TRAPPC11: variants seen among roughly 807,000 people sequenced by gnomAD.
TRAPPC11 encodes foie gras homolog.
Under a neutral mutation model 151.2 loss-of-function variants are expected in TRAPPC11, and 104 were observed. The ratio of observed to expected loss-of-function variants is 0.69; its 90% CI spans 0.59 to 0.81. The LOEUF is 0.81. Among genes scored for constraint, TRAPPC11 ranks in the 30% least tolerant of loss-of-function variants. The pLI is 0.00. For missense variants in TRAPPC11, 1,230 were observed against 1,349.6 expected, an observed-to-expected ratio of 0.91 and a Z score of 1.39; for synonymous variants, 456 against 472.3, an observed-to-expected ratio of 0.97 and a Z score of 0.45.
In TRAPPC11 at chr4:183,693,106, T is replaced by C. The variant is rs375844076; in HGVS notation, c.2196T>C (p.Asn732=). 216 of 1,611,918 alleles carry C rather than the reference T, an allele frequency of 1.3e-4. 3 individuals are homozygous for C. Among genetic ancestry groups the C allele is most frequent in the Non-Finnish European group, 2.3e-5 (27 of 1,178,714 alleles). ...AAAGGCGACCTAAGCTACCTGACAA[T>C]GAAGTTCACTGGGACAGCATTATAA... ...SFKRRPKLPD[N]EVHWDSIIIQ... Residue 732 remains asparagine, a synonymous_variant, in exon 20 of 30, where the codon AAT becomes AAC. Transcript: ENST00000334690.
At position 183,677,471 on chromosome 4, in the gene TRAPPC11, G is replaced by A. The variant is rs368397954; in HGVS notation, c.748G>A (p.Ala250Thr). Residue 250 changes from alanine (A) to threonine (T), a missense_variant, in exon 8 of 30, where the codon GCC becomes ACC. By Grantham distance (58) the Ala-to-Thr change is moderately conservative. Transcript: ENST00000334690. ...TQNALKNYRT[A>T]YNLVHELRAH... is the part of the protein sequence containing the mutation. ...CTCCTCATTTAGGAATTATAGGACC[G>A]CCTATAATCTTGTACACGAATTGAG... 1.4e-5 allele frequency: 23 copies of A among 1,596,130 alleles called. No individual in the cohort carries two copies. Among genetic ancestry groups the A allele is most frequent in the Middle Eastern group, 1.7e-4 (1 of 6,040 alleles).
At chr4:183,662,354 CAAA>C (rs202105209) in intron 1 of TRAPPC11, among the ~76,000 whole-genome samples, 20,872 of 110,112 alleles carry the variant, frequency 0.19, 1,521 homozygotes, top group Admixed American at 0.24. Flanking sequence ...TACTCCGTCT[CAAA>C]AAAAAAAAAA....
Position 183,686,765 on chromosome 4 carries a change from A to T in TRAPPC11, c.1893+17A>T, listed in dbSNP as rs1415115608. 6.2e-7 allele frequency: 1 copy of T among 1,612,938 alleles called. No homozygotes were observed. The highest frequency in any genetic ancestry group is 1.1e-5 in the South Asian group (1 of 90,944). ...AATAATCAGGTAATGATGCCATGTC[A>T]TGTGTTTTTACCACGTTTATCTTAT... On this transcript the variant is annotated intron_variant, in intron 18 of 29. Coordinates refer to ENST00000334690, the MANE Select transcript of TRAPPC11 (RefSeq NM_021942.6).
Position 183,684,330 on chromosome 4 carries a change from T to C in TRAPPC11, c.1392T>C (p.Tyr464=), listed in dbSNP as rs1298983441. 12 of 1,613,820 alleles carry C rather than the reference T, an allele frequency of 7.4e-6. No homozygotes were observed. Among genetic ancestry groups the C allele is most frequent in the Non-Finnish European group, 1.0e-5 (12 of 1,179,726 alleles). Residue 464 remains tyrosine, a synonymous_variant, in exon 14 of 30, where the codon TAT becomes TAC. Coordinates refer to ENST00000334690, the MANE Select transcript of TRAPPC11 (RefSeq NM_021942.6). The part of the protein sequence containing the change: ...HLMVQMGEEY[Y]YAKDYTKALK... The stretch of plus-strand genomic sequence containing the variant: ...TGGTTCAGATGGGAGAGGAATATTA[T>C]TACGCAAAGGATTATACCAAAGCTT...
rs371163271 is a variant in TRAPPC11 at position 183,697,672 on chromosome 4, G to T, written c.2695-7G>T. The T allele has an allele frequency of 2.9e-4, 474 of 1,613,354 alleles. No individual in the cohort carries two copies. The highest frequency in any genetic ancestry group is 3.8e-4 in the Non-Finnish European group (445 of 1,179,792). On this transcript the variant is annotated splice_polypyrimidine_tract_variant and splice_region_variant and intron_variant, in intron 24 of 29. Transcript: ENST00000334690. ...CCTGACAGACCTTTTATCTTCATTT[G>T]TGACAGTTTGAGCACCTGGAAAGGG...
chr4:183,678,342 G>GT (rs1165526245), intron 8 of TRAPPC11, among the ~76,000 whole-genome samples: 1 of 152,156 alleles, frequency 6.6e-6, no homozygotes. Context: ...TTTGCTTTTA[G>GT]TTTTTTCACA....
At chr4:183,704,403 C>A (rs986534170) in intron 26 of TRAPPC11, among the ~76,000 whole-genome samples, 1 of 151,880 alleles carries the variant, frequency 6.6e-6, no homozygotes, top group Non-Finnish European at 1.5e-5. Flanking sequence ...CGCCTGTAAT[C>A]CCAGCTACTC....
intron 22 of TRAPPC11, among the ~76,000 whole-genome samples, 178 bp downstream of exon 22, chr4:183,694,216 G>C (rs1431680662): frequency 6.6e-6 from 1 of 152,154 alleles, no homozygotes; most frequent in Non-Finnish European, 1.5e-5. Flanking sequence ...GTCTTAAGCA[G>C]TTTTTCTACA....
At chr4:183,685,169 A>G in intron 16 of TRAPPC11, 24 bp downstream of exon 16, 1 of 1,612,514 alleles carries the variant, frequency 6.2e-7, no homozygotes, top group Non-Finnish European at 8.5e-7. Flanking sequence ...GTTTATATAG[A>G]GTGTGTTATT....
At position 183,675,178 on chromosome 4, in the gene TRAPPC11, G is replaced by A. The variant is rs73872657; in HGVS notation, c.675G>A (p.Arg225=). 2.8e-3 allele frequency: 4,216 copies of A among 1,512,986 alleles called. 103 individuals are homozygous for A. In the African/African-American group the frequency reaches 0.052, roughly 19 times the overall value. The allele number at this position is 1,512,986 out of a possible 1,614,324, so 93.7% of individuals were successfully genotyped here. ...TCTCTTTTTAGCTTTTATTTGTTAG[G>A]CATCAGTTCAAAATAGCTTTCTTCA... ...NKTTHQLLFV[R]HQFKIAFFSE... is the part of the protein sequence containing the mutation. The change falls in exon 7 of 30, where the codon AGG becomes AGA. Residue 225 remains arginine, a synonymous_variant. Transcript: ENST00000334690.
chr4:183,662,838 G>A (rs988371353), intron 1 of TRAPPC11, among the ~76,000 whole-genome samples: 2 of 151,734 alleles, frequency 1.3e-5, no homozygotes, highest in African/African-American at 4.8e-5. Context: ...TGCTTTCTTG[G>A]TCTACTAATT....
intron 8 of TRAPPC11, among the ~76,000 whole-genome samples, chr4:183,678,074 G>C (rs763308755): frequency 6.6e-6 from 1 of 151,986 alleles, no homozygotes; most frequent in Non-Finnish European, 1.5e-5. Context: ...GAGTAGCTGG[G>C]AGTACAGGCA....
In TRAPPC11 at chr4:183,685,357, T is replaced by A. The variant is rs778989310; in HGVS notation, c.1716T>A (p.Ala572=). The A allele has an allele frequency of 6.2e-7, 1 of 1,614,182 alleles. No homozygotes were observed. Among genetic ancestry groups the A allele is most frequent in the South Asian group, 1.1e-5 (1 of 91,090 alleles). ...QKLWADRISL[A]GSNIFTIGVQ... is the part of the protein sequence containing the mutation. ...TGTGGGCAGACCGAATTTCTCTGGC[T>A]GGCAGCAATATTTTCACAATAGGAG... Residue 572 remains alanine (A), a synonymous_variant, in exon 17 of 30, where the codon GCT becomes GCA. Coordinates refer to ENST00000334690, the MANE Select transcript of TRAPPC11 (RefSeq NM_021942.6).
At chr4:183,698,703 G>T (rs910148300) in intron 25 of TRAPPC11, among the ~76,000 whole-genome samples, 1 of 152,128 alleles carries the variant, frequency 6.6e-6, no homozygotes, top group Non-Finnish European at 1.5e-5. Context: ...TTTTCTTTCA[G>T]TGTTGGTCAT....
At chr4:183,668,623 C>T (rs1314818968) in intron 5 of TRAPPC11, among the ~76,000 whole-genome samples, 2 of 152,132 alleles carry the variant, frequency 1.3e-5, no homozygotes, top group African/African-American at 4.8e-5. Flanking sequence ...GTTTTTGCTT[C>T]ATTCTTGAGC....
Position 183,692,978 on chromosome 4 carries a change from G to A in TRAPPC11, c.2068G>A (p.Ala690Thr). ...TTTTTAGATTACTTCAGTGGATCTT[G>A]CTCTGGGCAATGAGACGGGAAGATG... ...KKIEITSVDL[A>T]LGNETGRCVV... is the part of the protein sequence containing the mutation. The change falls in exon 20 of 30, where the codon GCT (alanine) becomes ACT (threonine). Residue 690 changes from alanine to threonine, a missense_variant. Coordinates refer to ENST00000334690, the MANE Select transcript of TRAPPC11 (RefSeq NM_021942.6). 6.2e-7 allele frequency: 1 copy of A among 1,611,214 alleles called. No individual in the cohort carries two copies. The highest frequency in any genetic ancestry group is 8.5e-7 in the Non-Finnish European group (1 of 1,178,582).
intron 23 of TRAPPC11, 64 bp from the exon 24 acceptor site, chr4:183,697,439 T>G: frequency 6.7e-7 from 1 of 1,503,610 alleles, no homozygotes; most frequent in Non-Finnish European, 9.1e-7. Context: ...AGGTTGTGTT[T>G]TTTAAAACTT....
chr4:183,706,098 A>ACACACACACC (rs1554011948), intron 27 of TRAPPC11: 3 of 149,910 alleles, frequency 2.0e-5, no homozygotes, highest in Admixed American at 6.6e-5. Flanking sequence ...ACACACACAC[A>ACACACACACC]CCCACCAAAC....
intron 23 of TRAPPC11, among the ~76,000 whole-genome samples, chr4:183,696,763 A>G (rs1736559579): frequency 6.6e-6 from 1 of 152,168 alleles, no homozygotes; most frequent in African/African-American, 2.4e-5. Context: ...TGTAGGCTCC[A>G]TGACCTCATC....
Sources: allele counts gnomAD v4.1 joint callset (sites outside exome capture counted in the v4.1 genomes callset), GRCh38; gene constraint gnomAD v4.1.1; transcripts MANE v1.5; gene names NCBI Gene and HGNC (gene_info 2026-07-23, HGNC 2026-07-21).